KCNMA1: variants seen among roughly 807,000 people sequenced by gnomAD.
The protein encoded by KCNMA1 is potassium calcium-activated channel subfamily M alpha 1.
Under a neutral mutation model 140.0 loss-of-function variants are expected in KCNMA1, and 29 were observed. The observed-to-expected ratio is 0.21, with a 90% CI of 0.15 to 0.28. KCNMA1 has a LOEUF of 0.28. Ranked by LOEUF, KCNMA1 falls within the 10% of genes least tolerant of loss-of-function variation. KCNMA1 has a pLI of 1.00. For missense variants in KCNMA1, 880 were observed against 1,602.2 expected, an observed-to-expected ratio of 0.55 and a Z score of 7.70; for synonymous variants, 612 against 611.9, an observed-to-expected ratio of 1.00 and a Z score of 0.00.
At chr10:76,916,384 C>T (rs754525562) in intron 23 of KCNMA1, among the ~76,000 whole-genome samples, 64 of 152,166 alleles carry the variant, frequency 4.2e-4, no homozygotes, top group Admixed American at 7.2e-4. Context: ...AGAAATATCC[C>T]GGCTAGGCAG....
intron 19 of KCNMA1, among the ~76,000 whole-genome samples, chr10:76,971,953 G>C (rs1405874117): frequency 6.0e-5 from 9 of 150,376 alleles, no homozygotes; most frequent in Admixed American, 5.3e-4. Flanking sequence ...TAATGGGGTA[G>C]AAAGGCAGCG....
At chr10:77,387,994 G>A (rs1485644677) in intron 2 of KCNMA1, among the ~76,000 whole-genome samples, 1 of 152,090 alleles carries the variant, frequency 6.6e-6, no homozygotes, top group Non-Finnish European at 1.5e-5. Flanking sequence ...ATTCTCTGTA[G>A]CTGCTACTGA....
At chr10:77,186,777 ATGTGTGTGTG>A (rs10594438) in intron 3 of KCNMA1, among the ~76,000 whole-genome samples, 22,533 of 145,096 alleles carry the variant, frequency 0.16, 2,055 homozygotes, top group Non-Finnish European at 0.21. Context: ...TAAAGAGTAA[ATGTGTGTGTG>A]TGTGTGTGTG....
At position 77,012,082 on chromosome 10, in the gene KCNMA1, T is replaced by G. The variant is rs778641179; in HGVS notation, c.2016-39A>C. On this transcript the variant is annotated intron_variant, in intron 17 of 27. Coordinates refer to ENST00000286628, the MANE Select transcript of KCNMA1 (RefSeq NM_001161352.2). ...ATGGAAAAACTGACACGTTTCATAA[T>G]CCACCCAAATGAAATGAGTACCACA... 4 of 1,612,190 alleles carry G rather than the reference T, an allele frequency of 2.5e-6. No homozygotes were observed. The East Asian group carries it at 8.9e-5, about 36-fold the overall frequency.
chr10:77,619,337 TCTCTC>T (rs1603638732), intron 1 of KCNMA1, among the ~76,000 whole-genome samples: 98 of 148,976 alleles, frequency 6.6e-4, no homozygotes, highest in Middle Eastern at 3.6e-3. Flanking sequence ...TCTCTCTCTC[TCTCTC>T]TCTCGTATGC....
intron 1 of KCNMA1, among the ~76,000 whole-genome samples, chr10:77,414,634 G>A (rs1023894380): frequency 6.6e-6 from 1 of 152,020 alleles, no homozygotes; most frequent in East Asian, 1.9e-4. Context: ...GGGATTACAG[G>A]CACCCACCAC....
At chr10:76,915,390 A>T (rs1254788519) in intron 23 of KCNMA1, among the ~76,000 whole-genome samples, 1 of 152,146 alleles carries the variant, frequency 6.6e-6, no homozygotes, top group East Asian at 1.9e-4. Flanking sequence ...CATGTGACAC[A>T]TGAAATGCTC....
chr10:77,601,232 G>A (rs956485653), intron 1 of KCNMA1, among the ~76,000 whole-genome samples: 15 of 152,188 alleles, frequency 9.9e-5, no homozygotes, highest in African/African-American at 3.6e-4. Context: ...GGAAGGTTCT[G>A]CCTGAGGTCC....
intron 1 of KCNMA1, among the ~76,000 whole-genome samples, chr10:77,461,732 C>T (rs1165047703): frequency 6.6e-6 from 1 of 152,206 alleles, no homozygotes; most frequent in Non-Finnish European, 1.5e-5. Context: ...ACATATCCAG[C>T]ATGGGCCCAG....
At position 77,067,825 on chromosome 10, in the gene KCNMA1, C is replaced by T. The variant is rs1397965215; in HGVS notation, c.1749+5272G>A. On this transcript the variant is annotated intron_variant, in intron 14 of 27. Coordinates refer to ENST00000286628, the MANE Select transcript of KCNMA1 (RefSeq NM_001161352.2). ...CAAACATGTGCCCATACATCCAAGT[C>T]AGAACAGAAGCTTTCTGAAGCTTAC... Among the ~76,000 whole-genome samples, 3 of 152,206 alleles carry T rather than the reference C, an allele frequency of 2.0e-5. No individual in the cohort carries two copies. The East Asian group carries it at 5.8e-4, about 29-fold the overall frequency.
chr10:77,068,949 A>G (rs1032798386), intron 14 of KCNMA1, among the ~76,000 whole-genome samples: 6 of 151,822 alleles, frequency 4.0e-5, no homozygotes, highest in African/African-American at 1.5e-4. Context: ...TGATAGCACA[A>G]TTCATGAAGA....
intron 15 of KCNMA1, among the ~76,000 whole-genome samples, chr10:77,038,770 G>C (rs1398111895): frequency 6.6e-6 from 1 of 152,140 alleles, no homozygotes; most frequent in African/African-American, 2.4e-5. Flanking sequence ...TGAATGCCTA[G>C]CCTCAAGTGA....
intron 1 of KCNMA1, among the ~76,000 whole-genome samples, chr10:77,584,746 A>G (rs1223974048): frequency 2.0e-5 from 3 of 152,174 alleles, no homozygotes; most frequent in Non-Finnish European, 4.4e-5. Flanking sequence ...TGACAGAGAC[A>G]CTCAAGAGTG....
At chr10:76,973,794 C>T (rs370561967) in intron 19 of KCNMA1, among the ~76,000 whole-genome samples, 3 of 152,036 alleles carry the variant, frequency 2.0e-5, no homozygotes, top group Admixed American at 6.6e-5. Flanking sequence ...CTTTATCAGC[C>T]GCGCCAGACT....
At chr10:77,538,825 T>C (rs2154554504) in intron 1 of KCNMA1, among the ~76,000 whole-genome samples, 1 of 152,292 alleles carries the variant, frequency 6.6e-6, no homozygotes, top group East Asian at 1.9e-4. Flanking sequence ...ATCCCATTGC[T>C]CCCTGCCTGT....
chr10:76,935,117 G>C (rs965003412), intron 23 of KCNMA1, among the ~76,000 whole-genome samples: 1 of 152,192 alleles, frequency 6.6e-6, no homozygotes, highest in African/African-American at 2.4e-5. Flanking sequence ...TCCAGTGGTA[G>C]TAGCAAGAAA....
chr10:77,024,149 C>G (rs1285053703), intron 16 of KCNMA1, among the ~76,000 whole-genome samples: 1 of 152,104 alleles, frequency 6.6e-6, no homozygotes, highest in Non-Finnish European at 1.5e-5. Context: ...ATACTTAGGA[C>G]AAGTCATGCC....
At chr10:77,224,012 C>T (rs1050997094) in intron 3 of KCNMA1, among the ~76,000 whole-genome samples, 13 of 152,184 alleles carry the variant, frequency 8.5e-5, no homozygotes, top group Admixed American at 7.2e-4. Flanking sequence ...GCCATCTGCC[C>T]CCTGCTGAAG....
At chr10:77,223,244 A>G (rs2050258751) in intron 3 of KCNMA1, among the ~76,000 whole-genome samples, 1 of 151,962 alleles carries the variant, frequency 6.6e-6, no homozygotes, top group South Asian at 2.1e-4. Context: ...AAAAAAAAAA[A>G]GAATTTTAAT....
Sources: allele counts gnomAD v4.1 joint callset (sites outside exome capture counted in the v4.1 genomes callset), GRCh38; gene constraint gnomAD v4.1.1; transcripts MANE v1.5; gene names NCBI Gene and HGNC (gene_info 2026-07-23, HGNC 2026-07-21).